The following BCKDHA variants were observed in gnomAD, a reference collection of about 807,000 sequenced individuals.
The protein encoded by BCKDHA is 2-oxoisovalerate dehydrogenase subunit alpha, mitochondrial.
In BCKDHA, 43 loss-of-function variants were observed where a neutral mutation model predicts 52.2. That is an observed-to-expected ratio of 0.82 (90% CI 0.64 to 1.06). The LOEUF (loss-of-function observed/expected upper bound fraction) is 1.06, where lower values mean the gene tolerates loss of function less well. BCKDHA is among the 50% of genes least tolerant of loss of function. BCKDHA has a pLI of 0.00. For synonymous variants in BCKDHA, 234 were observed against 247.9 expected, an observed-to-expected ratio of 0.94 and a Z score of 0.53; for missense variants, 527 against 621.3, an observed-to-expected ratio of 0.85 and a Z score of 1.61.
rs371408960 is a variant in BCKDHA at position 41,397,870 on chromosome 19, C to A, written c.43C>A (p.Arg15Ser). 1.1e-5 allele frequency: 18 copies of A among 1,614,022 alleles called. No homozygotes were observed. The highest frequency in any genetic ancestry group is 2.7e-5 in the African/African-American group (2 of 74,920). Residue 15 changes from arginine (R) to serine (S), a missense_variant, in exon 1 of 9, where the codon CGT (arginine) becomes AGT (serine). Physicochemically the swap from Arg to Ser is moderately radical, Grantham distance 110. Transcript: ENST00000269980. ...TGCAGCGAGGGTCTGGCGGCTAAAC[C>A]GTGGTTTGAGCCAGGCTGCCCTCCT... Reference protein sequence around the residue: ...IAAARVWRLNRGLSQAALLLL... With the variant: ...IAAARVWRLNSGLSQAALLLL...
rs398123511 is a variant in BCKDHA at position 41,422,685 on chromosome 19, T to C, written c.910T>C (p.Phe304Leu). 24 of 1,614,162 alleles carry C rather than the reference T, an allele frequency of 1.5e-5. No individual in the cohort carries two copies. In the Middle Eastern group the frequency reaches 3.6e-3, roughly 244 times the overall value. ...MSIRVDGNDV[F>L]AVYNATKEAR... Reference sequence around the variant, plus strand: ...AATCCGCGTGGATGGTAATGATGTGTTTGCCGTATACAACGCCACAAAGGA... The same window carrying C: ...AATCCGCGTGGATGGTAATGATGTGCTTGCCGTATACAACGCCACAAAGGA... Residue 304 changes from phenylalanine to leucine, a missense_variant, in exon 7 of 9, where the codon TTT (phenylalanine) becomes CTT (leucine). Phe to Leu is a conservative substitution (Grantham distance 22). Transcript: ENST00000269980.
intron 4 of BCKDHA, chr19:41,418,890 G>A (rs2039334331): frequency 1.9e-6 from 1 of 522,134 alleles, no homozygotes; most frequent in Admixed American, 3.1e-5. Flanking sequence ...TGAATTAGTT[G>A]AAAGCACTTA....
At chr19:41,421,457 A>AC (rs1555766903) in intron 5 of BCKDHA, among the ~76,000 whole-genome samples, 3 of 151,578 alleles carry the variant, frequency 2.0e-5, no homozygotes, top group African/African-American at 2.4e-5. Context: ...AGAGGATGTG[A>AC]GGGGGGAGCT....
intron 5 of BCKDHA, 152 bp from the exon 6 acceptor site, chr19:41,422,012 G>A: frequency 1.3e-6 from 1 of 755,756 alleles, no homozygotes; most frequent in Non-Finnish European, 2.3e-6. Flanking sequence ...GGCAGATGCT[G>A]GGGGGCATCA....
chr19:41,415,300 C>T (rs1194727051), intron 4 of BCKDHA: 1 of 152,372 alleles, frequency 6.6e-6, no homozygotes, highest in Non-Finnish European at 1.5e-5. Flanking sequence ...AGCACTGCAC[C>T]TGTTTTTGCT....
At chr19:41,407,535 GT>G (rs2039206618) in intron 1 of BCKDHA, among the ~76,000 whole-genome samples, 1 of 152,182 alleles carries the variant, frequency 6.6e-6, no homozygotes, top group Non-Finnish European at 1.5e-5. Flanking sequence ...GGGAAGCACT[GT>G]GCTGCAAGAG....
At chr19:41,416,035 C>T (rs1041104056) in intron 4 of BCKDHA, among the ~76,000 whole-genome samples, 30 of 150,612 alleles carry the variant, frequency 2.0e-4, no homozygotes, top group African/African-American at 7.1e-4. Context: ...CTTCTGCCTT[C>T]CAGGTTCAGG....
chr19:41,407,720 C>T (rs1365486486), intron 1 of BCKDHA, among the ~76,000 whole-genome samples: 6 of 152,134 alleles, frequency 3.9e-5, no homozygotes, highest in Non-Finnish European at 7.3e-5. Context: ...TAAAGGAAGA[C>T]GGAGGGACAC....
At position 41,410,569 on chromosome 19, in the gene BCKDHA, G is replaced by A. The variant is rs547740733; in HGVS notation, c.109-68G>A. Reference sequence around the variant, plus strand: ...ACCACCATGCCGCCTGCCTGCCGCCGGGGCTGAGCCAGCGGAAACCTGGGT... The same window carrying A: ...ACCACCATGCCGCCTGCCTGCCGCCAGGGCTGAGCCAGCGGAAACCTGGGT... On this transcript the variant is annotated intron_variant, in intron 1 of 8. Coordinates refer to ENST00000269980, the MANE Select transcript of BCKDHA (RefSeq NM_000709.4). 188 of 1,582,610 alleles carry A rather than the reference G, an allele frequency of 1.2e-4. No homozygotes were observed. The Admixed American group carries it at 1.3e-3, about 11-fold the overall frequency.
At chr19:41,418,728 C>A in intron 4 of BCKDHA, 1 of 437,830 alleles carries the variant, frequency 2.3e-6, no homozygotes, top group Non-Finnish European at 4.5e-6. Context: ...TTTGTAGAAG[C>A]GAGGCCTCAC....
At chr19:41,403,561 G>A (rs1490019668) in intron 1 of BCKDHA, among the ~76,000 whole-genome samples, 2 of 152,206 alleles carry the variant, frequency 1.3e-5, no homozygotes, top group Non-Finnish European at 2.9e-5. Context: ...CTCTTGCCTT[G>A]GAGCCTTGGT....
At chr19:41,409,113 C>G (rs984728847) in intron 1 of BCKDHA, among the ~76,000 whole-genome samples, 3 of 152,098 alleles carry the variant, frequency 2.0e-5, no homozygotes, top group African/African-American at 7.2e-5. Context: ...CCACGCCCAG[C>G]TAATTTTTGT....
intron 3 of BCKDHA, 109 bp downstream of exon 3, chr19:41,411,118 G>C (rs1027441046): frequency 1.4e-5 from 17 of 1,253,464 alleles, no homozygotes; most frequent in South Asian, 1.1e-4. Flanking sequence ...TTTTTGGGGG[G>C]GTTCCATAGA....
At chr19:41,415,990 C>A (rs536581703) in intron 4 of BCKDHA, among the ~76,000 whole-genome samples, 1 of 149,728 alleles carries the variant, frequency 6.7e-6, no homozygotes, top group South Asian at 2.1e-4. Context: ...GTCGCCCAGG[C>A]TGGAGTACGG....
intron 5 of BCKDHA, 111 bp from the exon 6 acceptor site, chr19:41,422,053 C>T: frequency 9.5e-7 from 1 of 1,055,150 alleles, no homozygotes; most frequent in Non-Finnish European, 1.4e-6. Flanking sequence ...CCCCTTGAAG[C>T]CTGGTGACTG....
chr19:41,404,524 C>G (rs757854576), intron 1 of BCKDHA, among the ~76,000 whole-genome samples: 65 of 152,104 alleles, frequency 4.3e-4, no homozygotes, highest in Non-Finnish European at 8.1e-4. Flanking sequence ...CTCCCGACCT[C>G]ATGATCCGCC....
intron 3 of BCKDHA, among the ~76,000 whole-genome samples, chr19:41,412,464 C>T (rs528249550): frequency 5.6e-4 from 79 of 141,512 alleles, no homozygotes; most frequent in African/African-American, 1.8e-3. Context: ...CTTGGCTCAC[C>T]GCCTCCCTGG....
intron 4 of BCKDHA, chr19:41,418,930 G>A: frequency 1.7e-6 from 1 of 605,098 alleles, no homozygotes; most frequent in Non-Finnish European, 2.9e-6. Flanking sequence ...CTAAGAGAAA[G>A]AAAGAAAAAG....
At position 41,397,954 on chromosome 19, in the gene BCKDHA, G is replaced by A. The variant is rs2123232922; in HGVS notation, c.108+19G>A. The A allele has an allele frequency of 1.2e-6, 2 of 1,610,228 alleles. No individual in the cohort carries two copies. Among genetic ancestry groups the A allele is most frequent in the Non-Finnish European group, 1.7e-6 (2 of 1,177,150 alleles). On this transcript the variant is annotated intron_variant, in intron 1 of 8. Transcript: ENST00000269980. Reference sequence around the variant, plus strand: ...TAGATCTGTGAGTACCTGGGCCCCAGGCGGTTTTCCCAAAGGGGATTAGGG... The same window carrying A: ...TAGATCTGTGAGTACCTGGGCCCCAAGCGGTTTTCCCAAAGGGGATTAGGG...
Sources: gnomAD v4.1 joint callset for allele counts (sites outside exome capture counted in the v4.1 genomes callset) on GRCh38, gnomAD v4.1.1 for gene constraint, MANE v1.5 for transcripts, NCBI Gene and HGNC (gene_info 2026-07-23, HGNC 2026-07-21) for gene names.